Variants in AEBP2 observed in about 807,000 individuals in gnomAD.
The protein encoded by AEBP2 is zinc finger protein AEBP2.
AEBP2 carries 10 observed loss-of-function variants against 50.8 expected under a neutral mutation model. The observed-to-expected ratio is 0.20, with a 90% CI of 0.12 to 0.33. The LOEUF (loss-of-function observed/expected upper bound fraction) is 0.33. Among genes scored for constraint, AEBP2 ranks in the 10% least tolerant of loss-of-function variants. AEBP2 has a pLI of 1.00. For synonymous variants in AEBP2, 296 were observed against 261.3 expected (o/e 1.13, Z -1.28); for missense variants, 570 against 688.0 (o/e 0.83, Z 1.92).
intron 1 of AEBP2, 33 bp from the exon 2 acceptor site, chr12:19,462,477 A>G (rs748156186): frequency 2.6e-6 from 4 of 1,527,776 alleles, no homozygotes; most frequent in East Asian, 4.7e-5. Context: ...GTGAATTTCT[A>G]GGAATAACAC....
chr12:19,457,125 A>G (rs1948282989), intron 1 of AEBP2: 3 of 1,599,440 alleles, frequency 1.9e-6, no homozygotes, highest in Admixed American at 3.3e-5. Flanking sequence ...CTTCCTTAAC[A>G]ATTTCCTCAT....
intron 7 of AEBP2, among the ~76,000 whole-genome samples, chr12:19,516,216 G>A (rs923234655): frequency 6.6e-6 from 1 of 152,156 alleles, no homozygotes; most frequent in Non-Finnish European, 1.5e-5. Flanking sequence ...AATTTGGGAA[G>A]GTTACGAGTT....
At position 19,504,851 on chromosome 12, in the gene AEBP2, A is replaced by G. The variant is rs533861051; in HGVS notation, c.1299+4630A>G. On this transcript the variant is annotated intron_variant, in intron 5 of 7. Transcript: ENST00000266508. ...ATTCCACTCAAGTTTTAGAATATTT[A>G]AAGGTAGAATTGTATATTTTAGAAA... Among the ~76,000 whole-genome samples the G allele has an allele frequency of 1.9e-4, 29 of 152,334 alleles. No homozygotes were observed. The South Asian group carries it at 6.0e-3, about 32-fold the overall frequency.
At chr12:19,457,910 G>A (rs1948299877) in intron 1 of AEBP2, among the ~76,000 whole-genome samples, 1 of 152,144 alleles carries the variant, frequency 6.6e-6, no homozygotes, top group Non-Finnish European at 1.5e-5. Flanking sequence ...CACTGCTTTA[G>A]ATTATCTAAG....
intron 2 of AEBP2, among the ~76,000 whole-genome samples, chr12:19,470,153 C>G (rs1464968427): frequency 6.8e-6 from 1 of 148,082 alleles, no homozygotes; most frequent in Non-Finnish European, 1.5e-5. Flanking sequence ...TTTTGTGGAT[C>G]TTTCTTTTTT....
intron 7 of AEBP2, 50 bp from the exon 8 acceptor site, chr12:19,518,037 A>G (rs200916179): frequency 2.7e-5 from 41 of 1,530,610 alleles, no homozygotes; most frequent in East Asian, 1.4e-4. Context: ...GAAGCACTCA[A>G]ATGTGTTTGA....
At chr12:19,406,363 T>C (rs975958096) in intron 1 of AEBP2, among the ~76,000 whole-genome samples, 7 of 152,298 alleles carry the variant, frequency 4.6e-5, no homozygotes, top group Non-Finnish European at 8.8e-5. Context: ...TATAATGACA[T>C]GCATCATGAT....
chr12:19,520,415 A>G lies in AEBP2; in HGVS notation c.*2298A>G, dbSNP rs924351169. 3.9e-5 allele frequency: 6 copies of G among 152,180 alleles called. No individual in the cohort carries two copies. Among genetic ancestry groups the G allele is most frequent in the Non-Finnish European group, 8.8e-5 (6 of 68,016 alleles). 9.4% of individuals were successfully genotyped at this position (152,180 alleles called of 1,614,324 possible). ...ATCAATCATAATCCTTTTGCTGCTT[A>G]TCTGATGTTGGTTTGATACTGTTAA... On this transcript the variant is annotated 3_prime_UTR_variant, in exon 8 of 8. Transcript: ENST00000266508.
intron 1 of AEBP2, chr12:19,457,696 A>C: frequency 8.6e-7 from 1 of 1,156,312 alleles, no homozygotes; most frequent in East Asian, 2.9e-5. Flanking sequence ...CTGGCGGCAA[A>C]CCCATTGTGA....
chr12:19,426,595 C>A (rs1486965998), intron 1 of AEBP2, among the ~76,000 whole-genome samples: 1 of 152,074 alleles, frequency 6.6e-6, no homozygotes, highest in East Asian at 1.9e-4. Context: ...TAAGGGGTGC[C>A]CAGATAGCTG....
chr12:19,466,694 T>A, intron 2 of AEBP2: 1 of 619,914 alleles, frequency 1.6e-6, no homozygotes, highest in Non-Finnish European at 2.0e-6. Flanking sequence ...AAACACCTGA[T>A]TTTGTTGGCC....
rs775484809 is a variant in AEBP2 at position 19,440,196 on chromosome 12, G to A, written c.497G>A (p.Gly166Asp). ...EGLEEPKGPR[G>D]SQGGGGGGSS... Reference sequence around the variant, plus strand: ...CTGGAGGAGCCCAAGGGACCGCGGGGCAGCCAGGGCGGCGGCGGGGGCGGC... The same window carrying A: ...CTGGAGGAGCCCAAGGGACCGCGGGACAGCCAGGGCGGCGGCGGGGGCGGC... The change falls in exon 1 of 8, where the codon GGC becomes GAC. Residue 166 changes from glycine (G) to aspartate (D), a missense_variant. By Grantham distance (94) the Gly-to-Asp change is moderately conservative (BLOSUM62 -1). Transcript: ENST00000266508. The A allele has an allele frequency of 1.4e-5, 20 of 1,453,726 alleles. No individual in the cohort carries two copies. The highest frequency in any genetic ancestry group is 1.8e-5 in the Non-Finnish European group (20 of 1,115,512). The allele number at this position is 1,453,726 out of a possible 1,614,324, so 90.1% of individuals were successfully genotyped here.
At chr12:19,466,580 C>G (rs371987368) in intron 2 of AEBP2, among the ~76,000 whole-genome samples, 1 of 152,184 alleles carries the variant, frequency 6.6e-6, no homozygotes, top group Non-Finnish European at 1.5e-5. Flanking sequence ...GAAATCTATA[C>G]CCATTAAACA....
At chr12:19,506,503 G>A (rs1212097829) in intron 5 of AEBP2, among the ~76,000 whole-genome samples, 2 of 152,162 alleles carry the variant, frequency 1.3e-5, no homozygotes, top group African/African-American at 2.4e-5. Context: ...ATTTCTGTGA[G>A]TTTTGAAAGT....
At chr12:19,431,147 C>G in intron 1 of AEBP2, among the ~76,000 whole-genome samples, 1 of 152,008 alleles carries the variant, frequency 6.6e-6, no homozygotes, top group Non-Finnish European at 1.5e-5. Context: ...AGGGGTATGA[C>G]TAAAGCTAGC....
At chr12:19,427,181 A>G (rs1301577489) in intron 1 of AEBP2, among the ~76,000 whole-genome samples, 1 of 151,984 alleles carries the variant, frequency 6.6e-6, no homozygotes, top group Non-Finnish European at 1.5e-5. Context: ...GTTTGAAACC[A>G]TCCTTGCCAA....
chr12:19,422,633 A>G (rs575138565), intron 1 of AEBP2, among the ~76,000 whole-genome samples: 2 of 151,454 alleles, frequency 1.3e-5, no homozygotes, highest in Non-Finnish European at 2.9e-5. Context: ...AGTAGCTGGG[A>G]TTACAGGCAT....
Position 19,520,479 on chromosome 12 carries a change from T to G in AEBP2, c.*2362T>G, listed in dbSNP as rs900258657. The G allele has an allele frequency of 6.6e-6, 1 of 152,244 alleles. No homozygotes were observed. The highest frequency in any genetic ancestry group is 2.4e-5 in the African/African-American group (1 of 41,464). 9.4% of individuals were successfully genotyped at this position (152,244 alleles called of 1,614,324 possible). On this transcript the variant is annotated 3_prime_UTR_variant, in exon 8 of 8. Transcript: ENST00000266508. ...ATATGGAATTGAAATGAGCTAGCTTTATAACTTGTATGTATACATATATAC... is the reference window on the plus strand; with the variant it reads ...ATATGGAATTGAAATGAGCTAGCTTGATAACTTGTATGTATACATATATAC...
At chr12:19,429,555 T>G (rs1307112181) in intron 1 of AEBP2, among the ~76,000 whole-genome samples, 1 of 152,256 alleles carries the variant, frequency 6.6e-6, no homozygotes, top group Non-Finnish European at 1.5e-5. Flanking sequence ...ATCGCCACAC[T>G]GACTTCCACA....
Sources: gnomAD v4.1 joint callset for allele counts (sites outside exome capture counted in the v4.1 genomes callset) on GRCh38, gnomAD v4.1.1 for gene constraint, MANE v1.5 for transcripts, NCBI Gene and HGNC (gene_info 2026-07-23, HGNC 2026-07-21) for gene names.